Variants in SLC16A2 observed in about 807,000 individuals in gnomAD.
SLC16A2 encodes the protein monocarboxylate transporter 8.
SLC16A2 carries 3 observed loss-of-function variants against 27.2 expected under a neutral mutation model. The observed-to-expected ratio is 0.11, with a 90% CI of 0.05 to 0.28. The LOEUF (loss-of-function observed/expected upper bound fraction) is 0.28, where lower values mean the gene tolerates loss of function less well. Ranked by LOEUF, SLC16A2 falls within the 10% of genes least tolerant of loss-of-function variation. SLC16A2 has a pLI of 1.00. For missense variants in SLC16A2, 295 were observed against 458.5 expected (o/e 0.64, Z 3.26); for synonymous variants, 202 against 187.8 (o/e 1.08, Z -0.62).
chrX:74,476,487 A>T (rs1444024444), intron 1 of SLC16A2, among the ~76,000 whole-genome samples: 1 of 111,526 alleles, frequency 9.0e-6, no homozygotes, highest in East Asian at 2.8e-4. Flanking sequence ...CCTGCCTGAT[A>T]GCCCTGGCCA....
intron 1 of SLC16A2, among the ~76,000 whole-genome samples, chrX:74,503,822 C>T (rs1194431482): frequency 1.8e-5 from 2 of 112,230 alleles, no homozygotes; most frequent in African/African-American, 3.2e-5. Context: ...GATGCCAACT[C>T]TACCACTTAC....
chrX:74,454,381 G>A (rs1470078901), intron 1 of SLC16A2, among the ~76,000 whole-genome samples: 1 of 110,177 alleles, frequency 9.1e-6, no homozygotes, highest in South Asian at 3.9e-4. Flanking sequence ...TATACACCAT[G>A]GAATACTATG....
intron 1 of SLC16A2, among the ~76,000 whole-genome samples, chrX:74,455,302 A>G (rs965342697): frequency 9.0e-6 from 1 of 111,047 alleles, no homozygotes; most frequent in African/African-American, 3.3e-5. Flanking sequence ...TAGAGCAGGG[A>G]TTGTCATCCC....
Position 74,421,793 on chromosome X carries a change from G to A in SLC16A2, c.156G>A (p.Gln52=). The A allele has an allele frequency of 8.7e-7, 1 of 1,154,188 alleles. No individual in the cohort carries two copies. Residue 52 remains glutamine (Q), a synonymous_variant, in exon 1 of 6, where the codon CAG becomes CAA. Coordinates refer to ENST00000587091, the MANE Select transcript of SLC16A2 (RefSeq NM_006517.5). ...EPVPVPPPEP[Q]PEPQPLPDPA... is the part of the protein sequence containing the mutation. ...TGCCAGTGCCCCCGCCCGAGCCCCAGCCGGAGCCCCAGCCCCTACCGGACC... is the reference window on the plus strand; with the variant it reads ...TGCCAGTGCCCCCGCCCGAGCCCCAACCGGAGCCCCAGCCCCTACCGGACC...
chrX:74,527,952 C>T, intron 4 of SLC16A2, among the ~76,000 whole-genome samples: 1 of 112,001 alleles, frequency 8.9e-6, no homozygotes, highest in Middle Eastern at 4.6e-3. Flanking sequence ...TGCCTAGCTA[C>T]CTCAAAACTG....
chrX:74,425,690 G>A (rs1282747764), intron 1 of SLC16A2, among the ~76,000 whole-genome samples: 1 of 111,531 alleles, frequency 9.0e-6, no homozygotes, highest in Admixed American at 9.5e-5. Context: ...AGTTGGACCT[G>A]CAATAGGGTT....
At chrX:74,433,855 T>A (rs1234862454) in intron 1 of SLC16A2, among the ~76,000 whole-genome samples, 1 of 112,342 alleles carries the variant, frequency 8.9e-6, no homozygotes, top group African/African-American at 3.2e-5. Context: ...ACTTTCCACA[T>A]GACTTGCCTT....
intron 1 of SLC16A2, among the ~76,000 whole-genome samples, chrX:74,430,613 C>G (rs775938671): frequency 8.9e-6 from 1 of 112,398 alleles, no homozygotes; most frequent in South Asian, 3.7e-4. Flanking sequence ...GATACCATCT[C>G]ACACCAGTCA....
At chrX:74,517,625 A>C (rs1930336308) in intron 1 of SLC16A2, among the ~76,000 whole-genome samples, 1 of 111,986 alleles carries the variant, frequency 8.9e-6, no homozygotes, top group Non-Finnish European at 1.9e-5. Flanking sequence ...ATATAATTAC[A>C]TATGGTAATA....
intron 4 of SLC16A2, among the ~76,000 whole-genome samples, chrX:74,527,521 A>C (rs890988361): frequency 5.4e-5 from 6 of 112,104 alleles, no homozygotes; most frequent in Non-Finnish European, 1.1e-4. Context: ...GTGGCTCTTA[A>C]TGTTGGTAAA....
chrX:74,488,651 C>A (rs1366139163), intron 1 of SLC16A2, among the ~76,000 whole-genome samples: 2 of 111,351 alleles, frequency 1.8e-5, no homozygotes, highest in Admixed American at 9.5e-5. Flanking sequence ...TTACGACTTG[C>A]ATAGACTATT....
intron 1 of SLC16A2, among the ~76,000 whole-genome samples, chrX:74,500,143 C>G (rs778389243): frequency 1.1e-5 from 1 of 87,451 alleles, no homozygotes; most frequent in Non-Finnish European, 2.6e-5. Context: ...GGACACAAGA[C>G]AGTTTGTGCA....
intron 1 of SLC16A2, among the ~76,000 whole-genome samples, chrX:74,469,481 C>T (rs1313145381): frequency 8.9e-6 from 1 of 111,890 alleles, no homozygotes; most frequent in Non-Finnish European, 1.9e-5. Flanking sequence ...ACATCCTCAC[C>T]AACACTTATT....
chrX:74,429,407 C>T (rs1928491025), intron 1 of SLC16A2, among the ~76,000 whole-genome samples: 2 of 107,790 alleles, frequency 1.9e-5, no homozygotes, highest in African/African-American at 6.8e-5. Context: ...AGGCGGTTGA[C>T]GTTGCAATGA....
intron 1 of SLC16A2, among the ~76,000 whole-genome samples, chrX:74,515,630 C>T (rs1424735703): frequency 3.6e-5 from 4 of 111,367 alleles, no homozygotes; most frequent in Non-Finnish European, 7.5e-5. Flanking sequence ...GCTAAACACA[C>T]AGACATGCAC....
intron 1 of SLC16A2, among the ~76,000 whole-genome samples, chrX:74,431,305 C>A (rs996149954): frequency 8.9e-6 from 1 of 112,317 alleles, no homozygotes; most frequent in Admixed American, 9.4e-5. Flanking sequence ...GAAATTATGT[C>A]CTTTACAGCA....
intron 1 of SLC16A2, among the ~76,000 whole-genome samples, chrX:74,501,676 C>T (rs191931155): frequency 2.7e-5 from 3 of 111,302 alleles, no homozygotes; most frequent in Admixed American, 9.5e-5. Context: ...ATGGAAAGTG[C>T]GTCTGGGGTA....
At chrX:74,429,794 G>A (rs747005032) in intron 1 of SLC16A2, among the ~76,000 whole-genome samples, 3 of 112,102 alleles carry the variant, frequency 2.7e-5, no homozygotes, top group African/African-American at 9.7e-5. Flanking sequence ...CACAGGTTCA[G>A]TCACTTGTTC....
chrX:74,422,611 C>T (rs1238437605), intron 1 of SLC16A2, among the ~76,000 whole-genome samples: 1 of 111,388 alleles, frequency 9.0e-6, no homozygotes, highest in Non-Finnish European at 1.9e-5. Context: ...AAGAGTCAAA[C>T]ACATGGCAGG....
Sources: allele counts gnomAD v4.1 joint callset (sites outside exome capture counted in the v4.1 genomes callset), GRCh38; gene constraint gnomAD v4.1.1; transcripts MANE v1.5; gene names NCBI Gene and HGNC (gene_info 2026-07-23, HGNC 2026-07-21).